SMAP1: variants seen among roughly 807,000 people sequenced by gnomAD.
SMAP1 encodes the protein small ArfGAP 1, also known as stromal membrane-associated protein 1.
Under a neutral mutation model 58.5 loss-of-function variants are expected in SMAP1, and 24 were observed. The observed-to-expected ratio is 0.41, with a 90% CI of 0.30 to 0.58. The LOEUF is 0.58. Ranked by LOEUF, SMAP1 falls within the 20% of genes least tolerant of loss-of-function variation. The pLI is 0.29. For missense variants in SMAP1, 563 were observed against 566.3 expected (o/e 0.99, Z 0.06); for synonymous variants, 216 against 196.6 (o/e 1.10, Z -0.82).
intron 2 of SMAP1, among the ~76,000 whole-genome samples, chr6:70,742,075 G>A (rs534773318): frequency 1.4e-4 from 21 of 152,328 alleles, no homozygotes; most frequent in African/African-American, 5.1e-4. Flanking sequence ...GTGATAGGAG[G>A]GGCTGCCAGG....
rs1419813888 is a variant in SMAP1 at position 70,701,507 on chromosome 6, A to C, written c.119-30871A>C. ...AGGACCCTAGAGTGCTTTAGCATGC[A>C]CTGGTGGGACTAGCCAGAACTCAGG... On this transcript the variant is annotated intron_variant, in intron 1 of 10. Transcript: ENST00000370455. 3.9e-5 allele frequency among the ~76,000 whole-genome samples: 6 copies of C among 152,276 alleles called. No individual in the cohort carries two copies. The East Asian group carries it at 9.7e-4, about 25-fold the overall frequency.
At chr6:70,770,631 A>T (rs529469842) in intron 3 of SMAP1, among the ~76,000 whole-genome samples, 2 of 152,112 alleles carry the variant, frequency 1.3e-5, no homozygotes, top group East Asian at 3.9e-4. Context: ...TATATTGGTT[A>T]TTCTAGTTCT....
At chr6:70,765,355 G>C (rs1377578264) in intron 3 of SMAP1, among the ~76,000 whole-genome samples, 2 of 152,022 alleles carry the variant, frequency 1.3e-5, no homozygotes, top group African/African-American at 4.8e-5. Flanking sequence ...AAGTTCCTAT[G>C]GCATATTTCT....
chr6:70,703,935 C>T (rs1273129309), intron 1 of SMAP1, among the ~76,000 whole-genome samples: 1 of 152,194 alleles, frequency 6.6e-6, no homozygotes, highest in East Asian at 1.9e-4. Context: ...AGGCTCTCAC[C>T]TAGTTTGTTT....
intron 4 of SMAP1, among the ~76,000 whole-genome samples, chr6:70,785,620 A>G (rs553077646): frequency 1.9e-4 from 29 of 152,334 alleles, no homozygotes; most frequent in African/African-American, 7.0e-4. Flanking sequence ...TAAAGGGGAT[A>G]TCACCACCGA....
chr6:70,798,753 T>TA lies in SMAP1; in HGVS notation c.576+21dup. The stretch of plus-strand genomic sequence containing the variant: ...AGCTGAAAAGGTAAAATTCTTTTTT[T>TA]AAAAATAATCTATTAGGATTACCAT... On this transcript the variant is annotated intron_variant, in intron 6 of 10. Transcript: ENST00000370455. 1 of 1,528,928 alleles carries TA rather than the reference T, an allele frequency of 6.5e-7. No homozygotes were observed. Among genetic ancestry groups the TA allele is most frequent in the Non-Finnish European group, 8.8e-7 (1 of 1,137,398 alleles). The allele number at this position is 1,528,928 out of a possible 1,614,324, so 94.7% of individuals were successfully genotyped here.
intron 1 of SMAP1, among the ~76,000 whole-genome samples, chr6:70,673,281 T>A (rs976532836): frequency 6.6e-6 from 1 of 152,178 alleles, no homozygotes; most frequent in Non-Finnish European, 1.5e-5. Context: ...GGTATGCTGA[T>A]GGGGGCATAA....
intron 3 of SMAP1, among the ~76,000 whole-genome samples, chr6:70,765,138 T>A (rs1225483260): frequency 6.6e-6 from 1 of 152,176 alleles, no homozygotes; most frequent in Non-Finnish European, 1.5e-5. Flanking sequence ...CAATTATTCC[T>A]CTTAATAAAT....
chr6:70,742,954 A>G (rs1765878718), intron 2 of SMAP1, among the ~76,000 whole-genome samples: 1 of 152,114 alleles, frequency 6.6e-6, no homozygotes, highest in African/African-American at 2.4e-5. Context: ...AACCGCCCCC[A>G]TGATTCAGTT....
chr6:70,858,245 T>C lies in SMAP1; in HGVS notation c.1269+16T>C. 1 of 1,577,444 alleles carries C rather than the reference T, an allele frequency of 6.3e-7. No homozygotes were observed. The highest frequency in any genetic ancestry group is 8.6e-7 in the Non-Finnish European group (1 of 1,159,788). On this transcript the variant is annotated intron_variant, in intron 10 of 10. Transcript: ENST00000370455. ...CCTCTCACAGGTAGGGGTCATTTAC[T>C]TTCTAGCTTCTCCCAAATCAAACCA... is the stretch of plus-strand genomic sequence containing the variant.
chr6:70,790,285 C>T (rs1200014487), intron 4 of SMAP1, among the ~76,000 whole-genome samples: 2 of 152,166 alleles, frequency 1.3e-5, no homozygotes, highest in African/African-American at 4.8e-5. Context: ...GGATTACAGG[C>T]ATGCACCACC....
intron 1 of SMAP1, among the ~76,000 whole-genome samples, chr6:70,690,601 T>C (rs1767120774): frequency 2.0e-5 from 3 of 151,958 alleles, no homozygotes; most frequent in Admixed American, 2.0e-4. Context: ...GGCCGGTTTT[T>C]AAGTTCTTTA....
chr6:70,807,017 G>T (rs1457082047), intron 6 of SMAP1, among the ~76,000 whole-genome samples: 1 of 152,096 alleles, frequency 6.6e-6, no homozygotes, highest in African/African-American at 2.4e-5. Context: ...AAGTGCTGTT[G>T]TACATTCTAC....
intron 2 of SMAP1, among the ~76,000 whole-genome samples, chr6:70,744,615 T>C (rs1008218408): frequency 6.6e-6 from 1 of 152,230 alleles, no homozygotes; most frequent in African/African-American, 2.4e-5. Flanking sequence ...TTATTGTGAA[T>C]AGTGCTGCAG....
At chr6:70,755,142 A>G in intron 3 of SMAP1, 77 bp downstream of exon 3, 1 of 1,137,898 alleles carries the variant, frequency 8.8e-7, no homozygotes, top group Non-Finnish European at 1.3e-6. Context: ...ATCTGTTAGT[A>G]TTTAGGAAGA....
At chr6:70,809,398 A>G (rs1769291512) in intron 6 of SMAP1, among the ~76,000 whole-genome samples, 1 of 152,236 alleles carries the variant, frequency 6.6e-6, no homozygotes, top group Non-Finnish European at 1.5e-5. Context: ...TATTTGATAA[A>G]TATGTCAGCT....
intron 5 of SMAP1, among the ~76,000 whole-genome samples, chr6:70,793,490 T>C (rs138301792): frequency 6.6e-6 from 1 of 152,134 alleles, no homozygotes; most frequent in African/African-American, 2.4e-5. Context: ...GGATACAAGC[T>C]GAAAAGAAGG....
chr6:70,761,674 T>C (rs929348197), intron 3 of SMAP1, among the ~76,000 whole-genome samples: 1 of 152,062 alleles, frequency 6.6e-6, no homozygotes, highest in Non-Finnish European at 1.5e-5. Flanking sequence ...ATACCTTTGT[T>C]AATAATAAGA....
At chr6:70,857,148 G>A in intron 9 of SMAP1, 118 bp downstream of exon 9, 1 of 1,041,858 alleles carries the variant, frequency 9.6e-7, no homozygotes, top group Non-Finnish European at 1.3e-6. Context: ...TTTTGTTGTT[G>A]CAGTTTATAC....
Sources: allele counts gnomAD v4.1 joint callset (sites outside exome capture counted in the v4.1 genomes callset), GRCh38; gene constraint gnomAD v4.1.1; transcripts MANE v1.5; gene names NCBI Gene and HGNC (gene_info 2026-07-23, HGNC 2026-07-21).